The following GPC5 variants were observed in gnomAD, a reference collection of about 807,000 sequenced individuals.
GPC5 encodes glypican 5.
In GPC5, 47 loss-of-function variants were observed where a neutral mutation model predicts 53.9. The observed-to-expected ratio is 0.87, with a 90% CI of 0.69 to 1.11. GPC5 has a LOEUF of 1.11. Among genes scored for constraint, GPC5 ranks in the 50% most tolerant of loss-of-function variants. The pLI, the probability that GPC5 is intolerant of heterozygous loss-of-function variation, is 0.00. For synonymous variants in GPC5, 286 were observed against 263.3 expected, an observed-to-expected ratio of 1.09 and a Z score of -0.84; for missense variants, 748 against 713.1, an observed-to-expected ratio of 1.05 and a Z score of -0.56.
chr13:92,375,256 T>C (rs1469965023), intron 7 of GPC5, among the ~76,000 whole-genome samples: 1 of 152,222 alleles, frequency 6.6e-6, no homozygotes, highest in Non-Finnish European at 1.5e-5. Flanking sequence ...TTACAGAAGA[T>C]TATGGGTGAC....
chr13:92,035,354 A>G (rs2040884764), intron 6 of GPC5, among the ~76,000 whole-genome samples: 1 of 152,082 alleles, frequency 6.6e-6, no homozygotes, highest in Non-Finnish European at 1.5e-5. Context: ...TTACACTAGC[A>G]TTGTGTTGGA....
At chr13:92,093,771 G>T (rs931533551) in intron 6 of GPC5, among the ~76,000 whole-genome samples, 1 of 152,196 alleles carries the variant, frequency 6.6e-6, no homozygotes, top group African/African-American at 2.4e-5. Context: ...GATGGGTAGA[G>T]CCTGGGCTTT....
chr13:92,740,654 G>C (rs542686317), intron 7 of GPC5, among the ~76,000 whole-genome samples: 1 of 152,000 alleles, frequency 6.6e-6, no homozygotes, highest in African/African-American at 2.4e-5. Context: ...CTTCTTCATG[G>C]ATGGCTTTGA....
intron 7 of GPC5, among the ~76,000 whole-genome samples, chr13:92,278,837 T>C (rs2042893749): frequency 6.6e-6 from 1 of 152,058 alleles, no homozygotes; most frequent in Admixed American, 6.5e-5. Flanking sequence ...CAATTAGTCA[T>C]GGATGCTTGG....
chr13:91,987,041 C>T (rs1427802335), intron 6 of GPC5, among the ~76,000 whole-genome samples: 3 of 152,284 alleles, frequency 2.0e-5, no homozygotes, highest in South Asian at 2.1e-4. Context: ...ACAAAGATTA[C>T]AGTGTCTTAA....
chr13:91,533,718 T>C (rs927056776), intron 2 of GPC5, among the ~76,000 whole-genome samples: 1 of 152,168 alleles, frequency 6.6e-6, no homozygotes, highest in Admixed American at 6.5e-5. Flanking sequence ...GTGAATGCAA[T>C]TGAGTAACTT....
At chr13:92,338,870 C>T (rs1303120046) in intron 7 of GPC5, among the ~76,000 whole-genome samples, 6 of 151,982 alleles carry the variant, frequency 3.9e-5, no homozygotes, top group African/African-American at 1.2e-4. Context: ...AACAGTAAAT[C>T]CTAACGTAAA....
chr13:92,420,446 A>C (rs1876507395), intron 7 of GPC5, among the ~76,000 whole-genome samples: 1 of 152,120 alleles, frequency 6.6e-6, no homozygotes, highest in South Asian at 2.1e-4. Flanking sequence ...AATGCATAAT[A>C]ATCACATCTT....
intron 6 of GPC5, among the ~76,000 whole-genome samples, chr13:91,942,558 A>T (rs1191446950): frequency 6.6e-6 from 1 of 152,078 alleles, no homozygotes; most frequent in Non-Finnish European, 1.5e-5. Flanking sequence ...ATAAAAACTC[A>T]GCTCATTTTT....
intron 1 of GPC5, among the ~76,000 whole-genome samples, chr13:91,424,200 A>G (rs1878842034): frequency 6.6e-6 from 1 of 152,076 alleles, no homozygotes. Context: ...GGTTTTATCC[A>G]GAGCAGGTTT....
intron 1 of GPC5, among the ~76,000 whole-genome samples, chr13:91,425,654 T>G (rs902703966): frequency 6.6e-5 from 10 of 152,346 alleles, no homozygotes; most frequent in African/African-American, 2.4e-4. Flanking sequence ...CTTTTCTTTA[T>G]AAATTACCCA....
intron 2 of GPC5, among the ~76,000 whole-genome samples, chr13:91,554,049 C>T (rs11841268): frequency 0.25 from 38,544 of 151,764 alleles, 5,502 homozygotes; most frequent in African/African-American, 0.39. Context: ...ATCCATTTCC[C>T]TTTGTCCTAT....
intron 2 of GPC5, among the ~76,000 whole-genome samples, chr13:91,572,616 G>A (rs2031976210): frequency 6.6e-6 from 1 of 151,964 alleles, no homozygotes; most frequent in South Asian, 2.1e-4. Context: ...GAGCAAGAAT[G>A]AAATCATGAC....
chr13:92,195,703 A>G (rs2042252066), intron 7 of GPC5, among the ~76,000 whole-genome samples: 1 of 152,240 alleles, frequency 6.6e-6, no homozygotes, highest in South Asian at 2.1e-4. Flanking sequence ...TGGCAAGGTC[A>G]GTTTTGATGA....
chr13:91,834,586 A>G (rs1231988289), intron 5 of GPC5, among the ~76,000 whole-genome samples: 2 of 152,158 alleles, frequency 1.3e-5, no homozygotes, highest in Non-Finnish European at 2.9e-5. Context: ...CTCAGAAATA[A>G]CACCACACAT....
At chr13:92,862,538 T>G (rs979638384) in intron 7 of GPC5, among the ~76,000 whole-genome samples, 14 of 151,950 alleles carry the variant, frequency 9.2e-5, no homozygotes, top group South Asian at 8.3e-4. Context: ...GAGATATATA[T>G]ATAGATAGAT....
chr13:92,319,541 A>G (rs1026949104), intron 7 of GPC5, among the ~76,000 whole-genome samples: 1 of 152,170 alleles, frequency 6.6e-6, no homozygotes, highest in East Asian at 1.9e-4. Context: ...GATCCACTTA[A>G]CACACCTACA....
intron 1 of GPC5, among the ~76,000 whole-genome samples, chr13:91,432,799 A>G (rs550681514): frequency 8.5e-5 from 13 of 152,348 alleles, no homozygotes; most frequent in Middle Eastern, 3.4e-3. Flanking sequence ...AAATATAAAT[A>G]CAATAGCCAT....
At chr13:91,466,555 C>T (rs145817725) in intron 2 of GPC5, among the ~76,000 whole-genome samples, 104 of 152,188 alleles carry the variant, frequency 6.8e-4, no homozygotes, top group African/African-American at 2.5e-3. Flanking sequence ...CAGGTCATTT[C>T]TTCTAGCTGA....
Sources: allele counts gnomAD v4.1 joint callset (sites outside exome capture counted in the v4.1 genomes callset), GRCh38; gene constraint gnomAD v4.1.1; transcripts MANE v1.5; gene names NCBI Gene and HGNC (gene_info 2026-07-23, HGNC 2026-07-21).